SLC12A8: variants seen among roughly 807,000 people sequenced by gnomAD.
SLC12A8 encodes the protein solute carrier family 12 member 8.
A neutral mutation model predicts 75.6 loss-of-function variants in SLC12A8; 69 were observed. The observed-to-expected ratio is 0.91, with a 90% CI of 0.75 to 1.11. The LOEUF (loss-of-function observed/expected upper bound fraction) is 1.11, where lower values mean the gene tolerates loss of function less well. Among genes scored for constraint, SLC12A8 ranks in the 50% most tolerant of loss-of-function variants. The pLI, the probability that SLC12A8 is intolerant of heterozygous loss-of-function variation, is 0.00. For missense variants in SLC12A8, 877 were observed against 896.7 expected, an observed-to-expected ratio of 0.98 and a Z score of 0.28; for synonymous variants, 365 against 372.8, an observed-to-expected ratio of 0.98 and a Z score of 0.24.
At chr3:125,119,707 A>G (rs1932998174) in intron 7 of SLC12A8, among the ~76,000 whole-genome samples, 1 of 152,250 alleles carries the variant, frequency 6.6e-6, no homozygotes, top group African/African-American at 2.4e-5. Context: ...CGCCAGGCTG[A>G]TAGCAATGGT....
chr3:125,115,982 C>A (rs1166356933), intron 8 of SLC12A8, among the ~76,000 whole-genome samples: 1 of 151,988 alleles, frequency 6.6e-6, no homozygotes, highest in East Asian at 1.9e-4. Flanking sequence ...GCCCTTGCAC[C>A]TCCCAACCAG....
chr3:125,177,469 TATA>T (rs1246368002), intron 5 of SLC12A8, among the ~76,000 whole-genome samples: 3 of 151,552 alleles, frequency 2.0e-5, no homozygotes, highest in Non-Finnish European at 4.4e-5. Flanking sequence ...AAACTTAAAG[TATA>T]ATAATAATAA....
At chr3:125,152,434 A>G (rs1182694627) in intron 5 of SLC12A8, among the ~76,000 whole-genome samples, 1 of 152,196 alleles carries the variant, frequency 6.6e-6, no homozygotes, top group Non-Finnish European at 1.5e-5. Flanking sequence ...AATGCTTTTC[A>G]TTTTTAGCAA....
intron 4 of SLC12A8, among the ~76,000 whole-genome samples, chr3:125,182,058 T>G (rs1934676061): frequency 6.6e-6 from 1 of 151,890 alleles, no homozygotes; most frequent in South Asian, 2.1e-4. Context: ...GGTGCAGTGG[T>G]TTACGCCTAT....
At chr3:125,144,807 C>T (rs936358626) in intron 5 of SLC12A8, among the ~76,000 whole-genome samples, 9 of 152,278 alleles carry the variant, frequency 5.9e-5, no homozygotes, top group Middle Eastern at 3.4e-3. Context: ...TGGATATCCT[C>T]GCCAGGCAGG....
At chr3:125,117,347 A>G (rs1213114964) in intron 8 of SLC12A8, among the ~76,000 whole-genome samples, 2 of 151,708 alleles carry the variant, frequency 1.3e-5, no homozygotes, top group Admixed American at 1.3e-4. Context: ...AGCACTTTGG[A>G]AGGCTGAGGT....
intron 2 of SLC12A8, among the ~76,000 whole-genome samples, chr3:125,203,233 C>G (rs1287929406): frequency 6.6e-6 from 1 of 150,666 alleles, no homozygotes; most frequent in Non-Finnish European, 1.5e-5. Flanking sequence ...AAAAAAAAAC[C>G]CTAAAATTTG....
chr3:125,104,276 C>T (rs901505900), intron 10 of SLC12A8, among the ~76,000 whole-genome samples: 2 of 151,768 alleles, frequency 1.3e-5, no homozygotes, highest in African/African-American at 2.4e-5. Flanking sequence ...CAGCTAACTT[C>T]CTTTTTAATT....
chr3:125,141,079 T>C (rs1031374282), intron 5 of SLC12A8, among the ~76,000 whole-genome samples: 1 of 151,672 alleles, frequency 6.6e-6, no homozygotes, highest in Non-Finnish European at 1.5e-5. Context: ...GGGTTTGACC[T>C]GAACATCTGT....
chr3:125,159,385 C>T (rs572481853), intron 5 of SLC12A8, among the ~76,000 whole-genome samples: 2 of 152,154 alleles, frequency 1.3e-5, no homozygotes, highest in African/African-American at 4.8e-5. Context: ...CAAGAGCCAC[C>T]GCACCCATTA....
intron 4 of SLC12A8, among the ~76,000 whole-genome samples, chr3:125,179,348 T>G (rs907788012): frequency 1.3e-5 from 2 of 152,140 alleles, no homozygotes; most frequent in African/African-American, 2.4e-5. Flanking sequence ...TTATGCTGAT[T>G]GTACCTCTTC....
chr3:125,176,558 T>G (rs1057037441), intron 5 of SLC12A8, among the ~76,000 whole-genome samples: 9 of 151,548 alleles, frequency 5.9e-5, no homozygotes, highest in Non-Finnish European at 1.3e-4. Context: ...TGGGAGAAAA[T>G]TTTTGCAACC....
intron 2 of SLC12A8, among the ~76,000 whole-genome samples, chr3:125,202,755 G>C (rs1935150122): frequency 6.6e-6 from 1 of 151,660 alleles, no homozygotes; most frequent in South Asian, 2.1e-4. Context: ...ATAAATTAAA[G>C]AGGACACAAA....
intron 7 of SLC12A8, 107 bp from the exon 8 acceptor site, chr3:125,118,963 G>T: frequency 1.4e-6 from 1 of 734,632 alleles, no homozygotes; most frequent in Non-Finnish European, 2.4e-6. Context: ...GTATCAGAAT[G>T]AGAGAAAGGC....
rs200046968 is a variant in SLC12A8 at position 125,187,210 on chromosome 3, G to A, written c.390+27C>T. The A allele has an allele frequency of 1.1e-4, 180 of 1,604,542 alleles. 1 individual carries two copies. In the African/African-American group the frequency reaches 2.3e-3, roughly 20 times the overall value. On this transcript the variant is annotated intron_variant, in intron 4 of 13. Coordinates refer to ENST00000469902, the MANE Select transcript of SLC12A8 (RefSeq NM_024628.6). ...AAGAAAGTGGCAGAGGGCCAGGCAG[G>A]GGAAGCATCCCGGGCGCAGGCCTCA... is the stretch of plus-strand genomic sequence containing the variant.
At chr3:125,144,558 C>G (rs500226) in intron 5 of SLC12A8, among the ~76,000 whole-genome samples, 5,912 of 152,270 alleles carry the variant, frequency 0.039, 377 homozygotes, top group South Asian at 0.21. Context: ...AATGCACTCT[C>G]CCTCCTGCCA....
intron 7 of SLC12A8, chr3:125,119,958 G>C (rs1431875125): frequency 1.1e-5 from 5 of 456,342 alleles, no homozygotes; most frequent in Non-Finnish European, 2.2e-5. Context: ...CAGCCTGCTT[G>C]TGTGGGTGGC....
chr3:125,122,398 T>C (rs1933087967), intron 6 of SLC12A8, among the ~76,000 whole-genome samples: 1 of 152,166 alleles, frequency 6.6e-6, no homozygotes, highest in South Asian at 2.1e-4. Flanking sequence ...TTTTCTTTCC[T>C]CTCATTCCCT....
chr3:125,095,338 T>A (rs1938687216), intron 10 of SLC12A8, among the ~76,000 whole-genome samples: 1 of 152,258 alleles, frequency 6.6e-6, no homozygotes, highest in African/African-American at 2.4e-5. Flanking sequence ...AGATTCATCC[T>A]GACTCCCTTC....
Sources: gnomAD v4.1 joint callset for allele counts (sites outside exome capture counted in the v4.1 genomes callset) on GRCh38, gnomAD v4.1.1 for gene constraint, MANE v1.5 for transcripts, NCBI Gene and HGNC (gene_info 2026-07-23, HGNC 2026-07-21) for gene names.